Variants in MACC1 observed in about 807,000 individuals in gnomAD.
The protein encoded by MACC1 is MET transcriptional regulator MACC1, also known as metastasis-associated in colon cancer protein 1.
In MACC1, 79 loss-of-function variants were observed where a neutral mutation model predicts 70.7. The observed-to-expected ratio is 1.12, with a 90% CI of 0.93 to 1.35. MACC1 has a LOEUF of 1.35. Ranked by LOEUF, MACC1 falls within the 40% of genes most tolerant of loss-of-function variation. The probability of loss-of-function intolerance (pLI) is 0.00; values close to 1 mark genes in which losing one functional copy is unlikely to be tolerated. For synonymous variants in MACC1, 361 were observed against 347.2 expected, an observed-to-expected ratio of 1.04 and a Z score of -0.44; for missense variants, 1,106 against 978.1, an observed-to-expected ratio of 1.13 and a Z score of -1.74.
chr7:20,143,887 G>A (rs6964757), intron 6 of MACC1, among the ~76,000 whole-genome samples: 52,759 of 152,020 alleles, frequency 0.35, 10,387 homozygotes, highest in African/African-American at 0.54. Flanking sequence ...TGGAGTGTAA[G>A]CTGTAATCTG....
At chr7:20,162,634 A>G (rs1782155575) in intron 3 of MACC1, among the ~76,000 whole-genome samples, 1 of 152,144 alleles carries the variant, frequency 6.6e-6, no homozygotes. Flanking sequence ...CCACCCTTAT[A>G]TGAAGGATTG....
At chr7:20,204,203 G>A (rs184343553) in intron 1 of MACC1, among the ~76,000 whole-genome samples, 1 of 152,216 alleles carries the variant, frequency 6.6e-6, no homozygotes, top group East Asian at 1.9e-4. Flanking sequence ...TGCACAGGCT[G>A]GAGTGTAGTG....
chr7:20,209,436 C>A (rs1782963591), intron 1 of MACC1, among the ~76,000 whole-genome samples: 1 of 152,224 alleles, frequency 6.6e-6, no homozygotes, highest in Non-Finnish European at 1.5e-5. Flanking sequence ...CATTCTGGAA[C>A]TTTATGGGTT....
chr7:20,209,112 C>A (rs1481128702), intron 1 of MACC1, among the ~76,000 whole-genome samples: 1 of 152,196 alleles, frequency 6.6e-6, no homozygotes, highest in Admixed American at 6.5e-5. Context: ...AGGGATGGGG[C>A]CCTCATAGAG....
intron 1 of MACC1, among the ~76,000 whole-genome samples, chr7:20,202,673 A>G (rs1044214765): frequency 1.3e-5 from 2 of 152,212 alleles, no homozygotes; most frequent in African/African-American, 4.8e-5. Flanking sequence ...GTCATATCCA[A>G]TCAGGTAGAT....
chr7:20,171,042 G>C (rs1782296921), intron 1 of MACC1, among the ~76,000 whole-genome samples: 1 of 152,122 alleles, frequency 6.6e-6, no homozygotes, highest in Non-Finnish European at 1.5e-5. Flanking sequence ...AGAACGGTGT[G>C]CAACAGTATG....
In MACC1 at chr7:20,159,049, A is replaced by C; in HGVS notation, c.1312T>G (p.Phe438Val). The C allele has an allele frequency of 6.2e-7, 1 of 1,613,812 alleles. No homozygotes were observed. The highest frequency in any genetic ancestry group is 8.5e-7 in the Non-Finnish European group (1 of 1,179,994). Residue 438 changes from phenylalanine to valine, a missense_variant, in exon 5 of 7, where the codon TTT becomes GTT. Physicochemically the swap from Phe to Val is conservative, Grantham distance 50 (BLOSUM62 -1). Transcript: ENST00000400331. ...DKPQDLSISI[F>V]SCDPDFEVKT... is the part of the protein sequence containing the mutation. ...ACTTCAAAATCAGGATCACAGGAAA[A>C]AATAGAAATACTTAAATCTTGTGGC... is the stretch of plus-strand genomic sequence containing the variant.
intron 1 of MACC1, among the ~76,000 whole-genome samples, chr7:20,212,781 T>C (rs1043668042): frequency 6.6e-6 from 1 of 152,028 alleles, no homozygotes; most frequent in Non-Finnish European, 1.5e-5. Context: ...CTACTGTCCT[T>C]CTCTCAGACC....
At chr7:20,151,721 G>A (rs1781981388) in intron 6 of MACC1, among the ~76,000 whole-genome samples, 2 of 152,128 alleles carry the variant, frequency 1.3e-5, no homozygotes, top group Admixed American at 6.5e-5. Flanking sequence ...TTTTTAACCA[G>A]CTTGAGGCTT....
intron 2 of MACC1, among the ~76,000 whole-genome samples, chr7:20,165,123 T>C (rs60818371): frequency 0.05 from 7,605 of 152,172 alleles, 653 homozygotes; most frequent in African/African-American, 0.17. Context: ...TTGTGGATTA[T>C]CCTTATTCTC....
intron 6 of MACC1, among the ~76,000 whole-genome samples, chr7:20,142,197 T>A (rs940087166): frequency 1.3e-5 from 2 of 152,184 alleles, no homozygotes; most frequent in Non-Finnish European, 2.9e-5. Flanking sequence ...TAATATCACA[T>A]GAACTAAAGC....
At chr7:20,196,083 G>A (rs912083128) in intron 1 of MACC1, among the ~76,000 whole-genome samples, 3 of 152,040 alleles carry the variant, frequency 2.0e-5, no homozygotes, top group African/African-American at 7.2e-5. Context: ...GGGTCCCTTT[G>A]GCCAAATGAG....
intron 1 of MACC1, among the ~76,000 whole-genome samples, chr7:20,199,424 T>C (rs1414006880): frequency 6.6e-6 from 1 of 152,248 alleles, no homozygotes; most frequent in Admixed American, 6.5e-5. Context: ...TGTGTGATAG[T>C]ACTGGAGGCT....
chr7:20,158,648 T>A lies in MACC1; in HGVS notation c.1713A>T (p.Glu571Asp). The A allele has an allele frequency of 6.2e-7, 1 of 1,614,074 alleles. No individual in the cohort carries two copies. The highest frequency in any genetic ancestry group is 1.1e-5 in the South Asian group (1 of 91,084). The stretch of plus-strand genomic sequence containing the variant: ...GAGCTATTGTGTCCCCTTTGAAATA[T>A]TCAAGGAAGTAATCAATCTTGCTTT... Reference protein sequence around the residue: ...LRQSKIDYFLEYFKGDTIALL... With the variant: ...LRQSKIDYFLDYFKGDTIALL... Residue 571 changes from glutamate to aspartate, a missense_variant, in exon 5 of 7, where the codon GAA becomes GAT. Transcript: ENST00000400331.
intron 1 of MACC1, among the ~76,000 whole-genome samples, chr7:20,186,445 T>G (rs1248324392): frequency 6.6e-6 from 1 of 152,292 alleles, no homozygotes; most frequent in Middle Eastern, 3.4e-3. Flanking sequence ...TGTATGGCTT[T>G]TGTCATAATA....
intron 4 of MACC1, 23 bp from the exon 5 acceptor site, chr7:20,160,268 A>C: frequency 1.3e-6 from 2 of 1,520,826 alleles, no homozygotes; most frequent in Non-Finnish European, 1.8e-6. Context: ...GGAAAGACAA[A>C]GCAAAACAAA....
At chr7:20,167,108 C>T (rs544733165) in intron 2 of MACC1, among the ~76,000 whole-genome samples, 1 of 152,254 alleles carries the variant, frequency 6.6e-6, no homozygotes, top group Admixed American at 6.5e-5. Context: ...GCTTGCCACA[C>T]TTCTGGTATC....
chr7:20,169,274 C>G (rs1782265847), intron 2 of MACC1, among the ~76,000 whole-genome samples: 1 of 152,170 alleles, frequency 6.6e-6, no homozygotes, highest in Non-Finnish European at 1.5e-5. Flanking sequence ...CAAATCTTGT[C>G]CCTGGGATTG....
chr7:20,171,996 T>C lies in MACC1; in HGVS notation c.-217-1218A>G, dbSNP rs371550418. Among the ~76,000 whole-genome samples the C allele has an allele frequency of 4.6e-5, 7 of 152,260 alleles. No homozygotes were observed. The East Asian group carries it at 9.6e-4, about 21-fold the overall frequency. On this transcript the variant is annotated intron_variant, in intron 1 of 6. Transcript: ENST00000400331. ...GGAGACTGAGGATTGGGACAAGTGATTGTAGCCTAGAAGGGAAATACGAAA... is the reference window on the plus strand; with the variant it reads ...GGAGACTGAGGATTGGGACAAGTGACTGTAGCCTAGAAGGGAAATACGAAA...
Sources: gnomAD v4.1 joint callset for allele counts (sites outside exome capture counted in the v4.1 genomes callset) on GRCh38, gnomAD v4.1.1 for gene constraint, MANE v1.5 for transcripts, NCBI Gene and HGNC (gene_info 2026-07-23, HGNC 2026-07-21) for gene names.